RIGI: variants seen among roughly 807,000 people sequenced by gnomAD.
RIGI encodes RNA sensor RIG-I, also known as antiviral innate immune response receptor RIG-I.
At chr9:32,462,574 A>G in the RIGI span, among the ~76,000 whole-genome samples, 1 of 151,742 alleles carries the variant, frequency 6.6e-6, no homozygotes, top group Non-Finnish European at 1.5e-5. Flanking sequence ...ACATCCAGCT[A>G]ATTTTTGTAT....
the RIGI span, among the ~76,000 whole-genome samples, chr9:32,495,498 G>C: frequency 6.6e-6 from 1 of 150,846 alleles, no homozygotes; most frequent in African/African-American, 2.4e-5. Context: ...ACTGTGCCCA[G>C]CTTTGTTTTT....
chr9:32,511,642 A>G, the RIGI span, among the ~76,000 whole-genome samples: 1 of 152,178 alleles, frequency 6.6e-6, no homozygotes, highest in Non-Finnish European at 1.5e-5. Flanking sequence ...AAGATCTAAA[A>G]TCAACATCAT....
the RIGI span, among the ~76,000 whole-genome samples, chr9:32,468,948 T>C: frequency 2.0e-5 from 3 of 152,230 alleles, no homozygotes; most frequent in Admixed American, 2.0e-4. Context: ...TATTTCGCAA[T>C]CTAAACTGTC....
At chr9:32,490,760 C>G in the RIGI span, among the ~76,000 whole-genome samples, 2 of 152,156 alleles carry the variant, frequency 1.3e-5, no homozygotes, top group African/African-American at 4.8e-5. Flanking sequence ...TATACAGTGC[C>G]TTTGTGTAAA....
chr9:32,470,003 C>T, the RIGI span, among the ~76,000 whole-genome samples: 1 of 152,164 alleles, frequency 6.6e-6, no homozygotes, highest in Non-Finnish European at 1.5e-5. Context: ...AATTATTTAC[C>T]ATTCAAAGTC....
chr9:32,471,956 T>C, the RIGI span, among the ~76,000 whole-genome samples: 1 of 151,686 alleles, frequency 6.6e-6, no homozygotes, highest in South Asian at 2.1e-4. Flanking sequence ...AGGGTGGGTA[T>C]GGGAGGGTGC....
the RIGI span, chr9:32,473,149 A>T: frequency 1.0e-6 from 1 of 999,682 alleles, no homozygotes; most frequent in South Asian, 1.7e-5. Flanking sequence ...GCAAAAAGAA[A>T]AAAATTTAAA....
chr9:32,521,396 T>C, the RIGI span, among the ~76,000 whole-genome samples: 1 of 152,108 alleles, frequency 6.6e-6, no homozygotes, highest in East Asian at 1.9e-4. Context: ...CTGTCTTTAT[T>C]AGGCCTTATT....
chr9:32,513,283 A>C, the RIGI span, among the ~76,000 whole-genome samples: 1 of 152,230 alleles, frequency 6.6e-6, no homozygotes, highest in Non-Finnish European at 1.5e-5. Context: ...AGCAAAAAAG[A>C]ACAAAGCTGA....
the RIGI span, among the ~76,000 whole-genome samples, chr9:32,511,581 A>G: frequency 6.6e-6 from 1 of 152,362 alleles, no homozygotes; most frequent in African/African-American, 2.4e-5. Context: ...CATTTAAAGC[A>G]GTGTGTAGAT....
the RIGI span, among the ~76,000 whole-genome samples, chr9:32,514,443 G>A: frequency 6.6e-6 from 1 of 152,160 alleles, no homozygotes; most frequent in Non-Finnish European, 1.5e-5. Context: ...GATGAAGCTG[G>A]AAACCATCAT....
At chr9:32,511,976 T>G in the RIGI span, among the ~76,000 whole-genome samples, 1 of 151,814 alleles carries the variant, frequency 6.6e-6, no homozygotes, top group Non-Finnish European at 1.5e-5. Flanking sequence ...CACTAGAAAA[T>G]CTAGAAGAAA....
chr9:32,455,618 A>G, the RIGI span: 2 of 152,152 alleles, frequency 1.3e-5, no homozygotes, highest in African/African-American at 4.8e-5. Flanking sequence ...GCCAAACCAT[A>G]TCAAATAGCA....
chr9:32,480,313 C>CA, the RIGI span: 1 of 1,609,524 alleles, frequency 6.2e-7, no homozygotes, highest in Non-Finnish European at 8.5e-7. Flanking sequence ...GAGCATCTTT[C>CA]ATTCGTGCAT....
the RIGI span, among the ~76,000 whole-genome samples, chr9:32,463,108 T>A: frequency 1.3e-5 from 2 of 151,970 alleles, no homozygotes; most frequent in Non-Finnish European, 1.5e-5. Context: ...CTGGGCTCTG[T>A]CTCAAAAAAA....
At chr9:32,485,176 G>A in the RIGI span, 16 of 1,592,734 alleles carry the variant, frequency 1.0e-5, no homozygotes, top group Non-Finnish European at 1.2e-5. Flanking sequence ...TTATCTCACC[G>A]AGGTCTTTGC....
the RIGI span, among the ~76,000 whole-genome samples, chr9:32,525,639 C>CCG: frequency 1.3e-5 from 2 of 152,328 alleles, no homozygotes; most frequent in African/African-American, 4.8e-5. Flanking sequence ...TAAGCTCAGA[C>CCG]CGCACTTTGT....
At chr9:32,487,857 G>T in the RIGI span, 1 of 1,466,250 alleles carries the variant, frequency 6.8e-7, no homozygotes, top group Non-Finnish European at 9.3e-7. Context: ...ACCTGAGAAG[G>T]ACATCTTCAG....
chr9:32,505,250 A>G, the RIGI span, among the ~76,000 whole-genome samples: 100 of 151,880 alleles, frequency 6.6e-4, no homozygotes, highest in African/African-American at 2.4e-3. Context: ...TGCACATTAT[A>G]AAGTAAAAAG....
Sources: allele counts gnomAD v4.1 joint callset (sites outside exome capture counted in the v4.1 genomes callset), GRCh38; gene constraint gnomAD v4.1.1; transcripts MANE v1.5; gene names NCBI Gene and HGNC (gene_info 2026-07-23, HGNC 2026-07-21).